P2RY12: variants seen among roughly 807,000 people sequenced by gnomAD.
The protein encoded by P2RY12 is purinergic receptor P2Y12.
In P2RY12, 3 loss-of-function variants were observed where a neutral mutation model predicts 4.5. That is an observed-to-expected ratio of 0.67 (90% CI 0.31 to 1.74). The LOEUF (loss-of-function observed/expected upper bound fraction) is 1.74. P2RY12 is among the 40% of genes most tolerant of loss of function. The pLI is 0.09. For missense variants in P2RY12, 356 were observed against 407.8 expected (o/e 0.87, Z 1.09); for synonymous variants, 148 against 154.1 (o/e 0.96, Z 0.29).
Position 151,378,004 on chromosome 3 carries a change from G to C in P2RY12, c.-180+6688C>G, listed in dbSNP as rs745563974. ...TTTCTCCGGTGTAACACCTGTTTCT[G>C]ATTTTAGTTCCTCCGAACGCAGGGG... On this transcript the variant is annotated intron_variant, in intron 1 of 2. Coordinates refer to ENST00000302632, the MANE Select transcript of P2RY12 (RefSeq NM_022788.5). 5.7e-6 allele frequency: 9 copies of C among 1,586,060 alleles called. No individual in the cohort carries two copies. In the South Asian group the frequency reaches 1.0e-4, roughly 18 times the overall value.
At chr3:151,351,687 G>C (rs899353846) in intron 1 of P2RY12, among the ~76,000 whole-genome samples, 1 of 152,172 alleles carries the variant, frequency 6.6e-6, no homozygotes, top group African/African-American at 2.4e-5. Flanking sequence ...GGGTAGGGGG[G>C]AGTCAGTATT....
chr3:151,339,209 C>G (rs1043107876), intron 2 of P2RY12, among the ~76,000 whole-genome samples: 1 of 152,092 alleles, frequency 6.6e-6, no homozygotes, highest in Non-Finnish European at 1.5e-5. Context: ...CTTTACTCTT[C>G]TCTAGCTTCC....
intron 1 of P2RY12, chr3:151,364,932 A>G (rs779179024): frequency 7.7e-7 from 1 of 1,305,728 alleles, no homozygotes; most frequent in East Asian, 2.3e-5. Flanking sequence ...TTTTCTAGTT[A>G]TTCTAGTTTT....
At chr3:151,376,606 T>A (rs1273456281) in intron 1 of P2RY12, among the ~76,000 whole-genome samples, 3 of 152,182 alleles carry the variant, frequency 2.0e-5, no homozygotes, top group Non-Finnish European at 4.4e-5. Context: ...AATTAATAAT[T>A]AATGTTTCTG....
chr3:151,374,133 CTTGT>C (rs777414634), intron 1 of P2RY12, among the ~76,000 whole-genome samples: 2 of 152,230 alleles, frequency 1.3e-5, no homozygotes, highest in South Asian at 2.1e-4. Flanking sequence ...CGTCAATTTA[CTTGT>C]TTGTTTAATT....
chr3:151,351,101 C>A (rs1753187565), intron 1 of P2RY12, among the ~76,000 whole-genome samples: 1 of 152,152 alleles, frequency 6.6e-6, no homozygotes, highest in Admixed American at 6.5e-5. Flanking sequence ...CCCTACTGTT[C>A]TGTAGTACAT....
Position 151,374,414 on chromosome 3 carries a change from G to C in P2RY12, c.-180+10278C>G, listed in dbSNP as rs1577485714. Among the ~76,000 whole-genome samples, 3 of 152,236 alleles carry C rather than the reference G, an allele frequency of 2.0e-5. No individual in the cohort carries two copies. The South Asian group carries it at 6.2e-4, about 32-fold the overall frequency. On this transcript the variant is annotated intron_variant, in intron 1 of 2. Coordinates refer to ENST00000302632, the MANE Select transcript of P2RY12 (RefSeq NM_022788.5). The stretch of plus-strand genomic sequence containing the variant: ...AATACAAAAATTAGCCAGGTGTGGT[G>C]GCACATGCCTGTCATCCCAGCTACT...
rs1021218995 is a variant in P2RY12, at chr3:151,339,016, A to G, written c.-14-157T>C. On this transcript the variant is annotated intron_variant, in intron 2 of 2. Coordinates refer to ENST00000302632, the MANE Select transcript of P2RY12 (RefSeq NM_022788.5). ...TATGAACACAGAAAACTGAATCCCA[A>G]AATATTTCATTGCAGCAAATATTGC... Among the ~76,000 whole-genome samples the G allele has an allele frequency of 2.0e-5, 3 of 152,186 alleles. No homozygotes were observed. In the East Asian group the frequency reaches 5.8e-4, roughly 29 times the overall value.
chr3:151,340,114 A>G (rs559716042), intron 2 of P2RY12, among the ~76,000 whole-genome samples: 5 of 152,100 alleles, frequency 3.3e-5, no homozygotes, highest in Admixed American at 2.6e-4. Context: ...CTCCTCACCT[A>G]TTTAGCGCTT....
intron 1 of P2RY12, chr3:151,378,211 A>C (rs1711569749): frequency 6.5e-7 from 1 of 1,528,288 alleles, no homozygotes; most frequent in Non-Finnish European, 8.8e-7. Flanking sequence ...GAGAGTTTAA[A>C]GAATAATTGA....
intron 1 of P2RY12, among the ~76,000 whole-genome samples, chr3:151,353,500 T>G (rs148169026): frequency 1.3e-5 from 2 of 152,242 alleles, no homozygotes; most frequent in African/African-American, 4.8e-5. Context: ...TTGTAACTTA[T>G]GTTACCCCAG....
chr3:151,383,142 A>G (rs1482963358), intron 1 of P2RY12, among the ~76,000 whole-genome samples: 2 of 152,270 alleles, frequency 1.3e-5, no homozygotes, highest in Non-Finnish European at 2.9e-5. Flanking sequence ...GATTATAAAG[A>G]CAAATCCCAC....
intron 1 of P2RY12, chr3:151,378,044 C>T: frequency 6.2e-7 from 1 of 1,609,754 alleles, no homozygotes; most frequent in Non-Finnish European, 8.5e-7. Flanking sequence ...TGGTTGGTGG[C>T]CCCCCTCATC....
chr3:151,384,356 C>A, intron 1 of P2RY12: 1 of 884,128 alleles, frequency 1.1e-6, no homozygotes, highest in Non-Finnish European at 1.6e-6. Context: ...ATTTGTTTCA[C>A]CTAACCTTAT....
Position 151,338,323 on chromosome 3 carries a change from A to G in P2RY12, c.523T>C (p.Cys175Arg). ...RQPRDKNVKK[C>R]SFLKSEFGLV... Reference sequence around the variant, plus strand: ...CCGAACTCTGATTTAAGGAAAGAGCATTTCTTCACATTCTTGTCTCTCGGC... The same window carrying G: ...CCGAACTCTGATTTAAGGAAAGAGCGTTTCTTCACATTCTTGTCTCTCGGC... Residue 175 changes from cysteine to arginine, a missense_variant, in exon 3 of 3, where the codon TGC (cysteine) becomes CGC (arginine). Cys to Arg is a radical substitution (Grantham distance 180). Transcript: ENST00000302632. The G allele has an allele frequency of 6.2e-7, 1 of 1,614,138 alleles. No individual in the cohort carries two copies. The highest frequency in any genetic ancestry group is 8.5e-7 in the Non-Finnish European group (1 of 1,180,002).
intron 1 of P2RY12, among the ~76,000 whole-genome samples, chr3:151,381,508 G>A (rs1712338052): frequency 1.3e-5 from 2 of 152,136 alleles, no homozygotes; most frequent in South Asian, 4.1e-4. Context: ...TGAACTTGCT[G>A]AGCAAATTCT....
chr3:151,354,315 G>T (rs1489817639), intron 1 of P2RY12, among the ~76,000 whole-genome samples: 1 of 151,926 alleles, frequency 6.6e-6, no homozygotes, highest in African/African-American at 2.4e-5. Flanking sequence ...GTTAAGAAGA[G>T]TACCCCTAGA....
Position 151,337,895 on chromosome 3 carries a change from AT to A in P2RY12, c.950del (p.Asn317IlefsTer31). 6.2e-7 allele frequency: 1 copy of A among 1,614,160 alleles called. No homozygotes were observed. Among genetic ancestry groups the A allele is most frequent in the Non-Finnish European group, 8.5e-7 (1 of 1,180,012 alleles). ...TGTCCTGGGACAGAGATGTTGCAGA[AT>A]TGGGGCACTTCAGCATACTTATCAA... is the stretch of plus-strand genomic sequence containing the variant. ...NSLISMLKCP[N>X]SATSLSQDNR... On this transcript the variant is annotated frameshift_variant, in exon 3 of 3. Transcript: ENST00000302632. LOFTEE classifies it low-confidence loss of function (END_TRUNC).
chr3:151,365,748 A>T, intron 1 of P2RY12: 2 of 1,058,934 alleles, frequency 1.9e-6, no homozygotes, highest in Non-Finnish European at 2.7e-6. Context: ...TAAGAAAATG[A>T]CTTGTTTGAT....
Sources: gnomAD v4.1 joint callset for allele counts (sites outside exome capture counted in the v4.1 genomes callset) on GRCh38, gnomAD v4.1.1 for gene constraint, MANE v1.5 for transcripts, NCBI Gene and HGNC (gene_info 2026-07-23, HGNC 2026-07-21) for gene names.